The following EYA1 variants were observed in gnomAD, a reference collection of about 807,000 sequenced individuals.
EYA1 encodes the protein protein phosphatase EYA1.
A neutral mutation model predicts 82.0 loss-of-function variants in EYA1; 16 were observed. That is an observed-to-expected ratio of 0.20 (90% CI 0.13 to 0.30). EYA1 has a LOEUF of 0.30. EYA1 is among the 10% of genes least tolerant of loss of function. EYA1 has a pLI of 1.00. For synonymous variants in EYA1, 261 were observed against 264.4 expected (o/e 0.99, Z 0.12); for missense variants, 633 against 730.7 (o/e 0.87, Z 1.54).
At chr8:71,323,393 T>C (rs113387070) in intron 4 of EYA1, among the ~76,000 whole-genome samples, 9 of 152,314 alleles carry the variant, frequency 5.9e-5, no homozygotes, top group South Asian at 2.1e-4. Context: ...GGAGGTTCCA[T>C]GTACTCAAAG....
chr8:71,401,433 A>G (rs1001306551), intron 2 of EYA1, among the ~76,000 whole-genome samples: 2 of 152,134 alleles, frequency 1.3e-5, no homozygotes, highest in Non-Finnish European at 2.9e-5. Flanking sequence ...TTACTTTGTT[A>G]GTTTCTCATT....
At chr8:71,229,034 T>C (rs905639619) in intron 12 of EYA1, among the ~76,000 whole-genome samples, 3 of 152,182 alleles carry the variant, frequency 2.0e-5, no homozygotes, top group African/African-American at 4.8e-5. Context: ...TCTCCCTCAA[T>C]AGATGTATTA....
upstream of EYA1, chr8:71,362,072 C>T (rs538700088): frequency 5.1e-6 from 5 of 985,262 alleles, no homozygotes; most frequent in East Asian, 2.3e-4. Flanking sequence ...CATCTGAGAA[C>T]CCTAGACAAA....
At chr8:71,515,805 A>C (rs998909903) in intron 2 of EYA1, among the ~76,000 whole-genome samples, 2 of 152,162 alleles carry the variant, frequency 1.3e-5, no homozygotes, top group Non-Finnish European at 2.9e-5. Context: ...TAATCCCAAC[A>C]AGACCTTTTG....
chr8:71,388,797 T>C (rs761131188), intron 2 of EYA1, among the ~76,000 whole-genome samples: 9 of 152,070 alleles, frequency 5.9e-5, no homozygotes, highest in Non-Finnish European at 1.3e-4. Context: ...AGCATAATAG[T>C]GATAGTCAGA....
intron 12 of EYA1, among the ~76,000 whole-genome samples, chr8:71,218,384 A>C (rs1354067259): frequency 1.3e-5 from 2 of 152,090 alleles, no homozygotes; most frequent in Non-Finnish European, 2.9e-5. Context: ...TGAGGAAGGG[A>C]GGAGGAGATA....
chr8:71,493,885 T>A (rs1251748624), intron 2 of EYA1, among the ~76,000 whole-genome samples: 23 of 146,810 alleles, frequency 1.6e-4, no homozygotes, highest in African/African-American at 5.7e-4. Flanking sequence ...TAGCCGGGCG[T>A]AGTGGCGGGC....
intron 2 of EYA1, among the ~76,000 whole-genome samples, chr8:71,498,159 C>A (rs999763088): frequency 3.3e-5 from 5 of 152,114 alleles, no homozygotes; most frequent in African/African-American, 1.2e-4. Context: ...CTATAGCTAA[C>A]ATTATATTGT....
intron 17 of EYA1, among the ~76,000 whole-genome samples, chr8:71,201,451 C>T (rs1286998146): frequency 6.6e-6 from 1 of 152,028 alleles, no homozygotes; most frequent in Non-Finnish European, 1.5e-5. Flanking sequence ...TCTCTGCCCC[C>T]GTGCATTCTC....
intron 9 of EYA1, among the ~76,000 whole-genome samples, chr8:71,280,836 C>A (rs1404492638): frequency 6.6e-6 from 1 of 152,148 alleles, no homozygotes. Context: ...GCAGCCTTGA[C>A]CTCCTGGGCT....
At chr8:71,401,563 C>T (rs1464219790) in intron 2 of EYA1, among the ~76,000 whole-genome samples, 2 of 152,172 alleles carry the variant, frequency 1.3e-5, no homozygotes, top group Non-Finnish European at 2.9e-5. Flanking sequence ...TGCTATGAAG[C>T]GTTCTTATGG....
chr8:71,365,246 A>G (rs536725045), upstream of EYA1, among the ~76,000 whole-genome samples: 132 of 152,074 alleles, frequency 8.7e-4, 1 homozygote, highest in Middle Eastern at 3.4e-3. Flanking sequence ...AATAATGAAA[A>G]TAAAATTATT....
chr8:71,324,735 G>C (rs934195576), intron 4 of EYA1, among the ~76,000 whole-genome samples: 2 of 152,086 alleles, frequency 1.3e-5, no homozygotes, highest in Non-Finnish European at 2.9e-5. Flanking sequence ...ACTGTCTTCC[G>C]ACCCCCTGCG....
chr8:71,349,214 C>A (rs535291746), intron 3 of EYA1, among the ~76,000 whole-genome samples: 5 of 152,140 alleles, frequency 3.3e-5, no homozygotes, highest in Non-Finnish European at 1.5e-5. Context: ...ACTTCAAGAC[C>A]GGACTATAAC....
In EYA1 at chr8:71,441,092, C is replaced by T. The variant is rs568292993; in HGVS notation, c.34-84581G>A. ...AGGAATGAAAAGAAACAAAGGCAAT[C>T]CCAAGGTTTAGGGATTGAATGATTT... On this transcript the variant is annotated intron_variant, in intron 2 of 18. Coordinates refer to the EYA1 transcript ENST00000643681. 2.6e-5 allele frequency among the ~76,000 whole-genome samples: 4 copies of T among 152,144 alleles called. No homozygotes were observed. The East Asian group carries it at 7.8e-4, about 30-fold the overall frequency.
At chr8:71,252,506 G>T (rs1813872747) in intron 11 of EYA1, among the ~76,000 whole-genome samples, 1 of 151,986 alleles carries the variant, frequency 6.6e-6, no homozygotes, top group South Asian at 2.1e-4. Flanking sequence ...AATTATTTTT[G>T]AGGTGACCAT....
chr8:71,207,134 A>G (rs548659228), intron 17 of EYA1, among the ~76,000 whole-genome samples: 1 of 152,294 alleles, frequency 6.6e-6, no homozygotes, highest in African/African-American at 2.4e-5. Context: ...TTGAGTTTTC[A>G]TATGTAGTTT....
rs28805113 is a variant in EYA1, at chr8:71,395,295, C to A, written c.34-38784G>T. Among the ~76,000 whole-genome samples the A allele has an allele frequency of 3.9e-4, 60 of 152,174 alleles. 1 individual carries two copies. Among genetic ancestry groups the A allele is most frequent in the Non-Finnish European group, 7.8e-4 (53 of 68,036 alleles). On this transcript the variant is annotated intron_variant, in intron 2 of 18. Transcript: ENST00000643681. ...GAATAACCTTTATTTCTTTCTCTTG[C>A]CTGATTGCCCTGGCCAGAACTTCCA...
At chr8:71,432,847 A>T (rs543695138) in intron 2 of EYA1, among the ~76,000 whole-genome samples, 50 of 152,314 alleles carry the variant, frequency 3.3e-4, no homozygotes, top group African/African-American at 1.1e-3. Context: ...CTAAACAAAG[A>T]CCAAAAGAAG....
Sources: gnomAD v4.1 joint callset for allele counts (sites outside exome capture counted in the v4.1 genomes callset) on GRCh38, gnomAD v4.1.1 for gene constraint, MANE v1.5 for transcripts, NCBI Gene and HGNC (gene_info 2026-07-23, HGNC 2026-07-21) for gene names.